NOS1: variants seen among roughly 807,000 people sequenced by gnomAD.
The protein encoded by NOS1 is nitric oxide synthase 1.
A neutral mutation model predicts 164.5 loss-of-function variants in NOS1; 51 were observed. The observed-to-expected ratio is 0.31, with a 90% CI of 0.25 to 0.39. The LOEUF is 0.39. Ranked by LOEUF, NOS1 falls within the 10% of genes least tolerant of loss-of-function variation. The probability of loss-of-function intolerance (pLI) is 1.00; values close to 1 mark genes in which losing one functional copy is unlikely to be tolerated. For synonymous variants in NOS1, 719 were observed against 745.8 expected (o/e 0.96, Z 0.59); for missense variants, 1,362 against 1,885.6 (o/e 0.72, Z 5.14).
intron 3 of NOS1, among the ~76,000 whole-genome samples, chr12:117,310,531 C>T (rs1239976078): frequency 6.6e-6 from 1 of 152,114 alleles, no homozygotes; most frequent in Non-Finnish European, 1.5e-5. Context: ...GCATAAAACA[C>T]GGCTAAAAGA....
At chr12:117,290,532 G>C in intron 3 of NOS1, 106 bp from the exon 4 acceptor site, 1 of 1,351,646 alleles carries the variant, frequency 7.4e-7, no homozygotes, top group South Asian at 1.4e-5. Context: ...GATCTGCCTT[G>C]AGTGACCAAC....
Position 117,260,578 on chromosome 12 carries a change from G to C in NOS1, c.2254C>G (p.Gln752Glu). 2 of 1,614,006 alleles carry C rather than the reference G, an allele frequency of 1.2e-6. No homozygotes were observed. Among genetic ancestry groups the C allele is most frequent in the Non-Finnish European group, 1.7e-6 (2 of 1,179,930 alleles). The part of the protein sequence containing the change: ...AVKFSAKLMG[Q>E]AMAKRVKATI... ...GCTTTCACCCTCTTGGCCATAGCCTGCCCCATCAGCTTGGCCGAGAACTTG... is the reference window on the plus strand; with the variant it reads ...GCTTTCACCCTCTTGGCCATAGCCTCCCCCATCAGCTTGGCCGAGAACTTG... The change falls in exon 14 of 29, where the codon CAG becomes GAG. Residue 752 changes from glutamine (Q) to glutamate (E), a missense_variant. Physicochemically the swap from Gln to Glu is conservative, Grantham distance 29. This residue lies in a region of NOS1 where 737 missense variants were observed against 1,030.3 expected (regional missense o/e 0.72). Coordinates refer to ENST00000317775, the MANE Select transcript of NOS1 (RefSeq NM_000620.5).
intron 26 of NOS1, among the ~76,000 whole-genome samples, chr12:117,220,935 C>T (rs1956693348): frequency 6.6e-6 from 1 of 151,844 alleles, no homozygotes; most frequent in Non-Finnish European, 1.5e-5. Context: ...ATGGCTGTAG[C>T]GACTCTTAAG....
chr12:117,360,317 C>T (rs1877074860), intron 1 of NOS1, among the ~76,000 whole-genome samples: 1 of 152,124 alleles, frequency 6.6e-6, no homozygotes, highest in Admixed American at 6.5e-5. Context: ...AGAGCCCCTT[C>T]CGGGACCTCG....
intron 9 of NOS1, among the ~76,000 whole-genome samples, chr12:117,274,460 G>A (rs931417219): frequency 1.3e-5 from 2 of 151,974 alleles, no homozygotes; most frequent in African/African-American, 4.8e-5. Flanking sequence ...CCCACCAGTG[G>A]GCATTTATCC....
Position 117,280,180 on chromosome 12 carries a change from G to A in NOS1, c.1524+545C>T, listed in dbSNP as rs928665019. ...GGAGATGGTGGTAGTCACTTTCCTGGTGGCTTTTATGAATTGACTTGGGCT... is the reference window on the plus strand; with the variant it reads ...GGAGATGGTGGTAGTCACTTTCCTGATGGCTTTTATGAATTGACTTGGGCT... On this transcript the variant is annotated intron_variant, in intron 8 of 28. Transcript: ENST00000317775. 3.3e-5 allele frequency among the ~76,000 whole-genome samples: 5 copies of A among 152,334 alleles called. No homozygotes were observed. The South Asian group carries it at 8.3e-4, about 25-fold the overall frequency.
Position 117,256,284 on chromosome 12 carries a change from G to T in NOS1, c.2531+2113C>A, listed in dbSNP as rs9669709. Among the ~76,000 whole-genome samples the T allele has an allele frequency of 5.5e-4, 65 of 118,426 alleles. 1 individual carries two copies. Among genetic ancestry groups the T allele is most frequent in the South Asian group, 1.3e-3 (5 of 3,892 alleles). 77.7% of individuals were successfully genotyped at this position (118,426 alleles called of 152,430 possible). On this transcript the variant is annotated intron_variant, in intron 16 of 28. Transcript: ENST00000317775. ...CAAAGAAAATCAGAAGGGATTTTCT[G>T]TTTTTTTTTTTTGAGACGGAGTCTC...
intron 3 of NOS1, among the ~76,000 whole-genome samples, chr12:117,303,536 G>T (rs949095211): frequency 6.6e-6 from 1 of 152,104 alleles, no homozygotes; most frequent in Non-Finnish European, 1.5e-5. Flanking sequence ...GGAGGGAGGG[G>T]CAAGGGCAAT....
Position 117,285,301 on chromosome 12 carries a change from T to C in NOS1, c.1322A>G (p.His441Arg), listed in dbSNP as rs772332789. 6.2e-7 allele frequency: 1 copy of C among 1,611,006 alleles called. No homozygotes were observed. The highest frequency in any genetic ancestry group is 8.5e-7 in the Non-Finnish European group (1 of 1,178,130). Residue 441 changes from histidine to arginine, a missense_variant, in exon 7 of 29, where the codon CAC becomes CGC. Physicochemically the swap from His to Arg is conservative, Grantham distance 29 (BLOSUM62 0). Coordinates refer to ENST00000317775, the MANE Select transcript of NOS1 (RefSeq NM_000620.5). The part of the protein sequence containing the change: ...VFDARDCTTA[H>R]GMFNYICNHV... The stretch of plus-strand genomic sequence containing the variant: ...GTTACAGATGTAGTTGAACATCCCG[T>C]GGGCCGTGGTGCAGTCACGGGCATC...
rs9658512 is a variant in NOS1 at position 117,224,527 on chromosome 12, C to T, written c.3826+489G>A. On this transcript the variant is annotated intron_variant, in intron 25 of 28. Transcript: ENST00000317775. Reference sequence around the variant, plus strand: ...GTCTCGATCTCCTGACCTCGTGATCCGCTGGCCTGGGTCTCCCAAAGTGCT... The same window carrying T: ...GTCTCGATCTCCTGACCTCGTGATCTGCTGGCCTGGGTCTCCCAAAGTGCT... Among the ~76,000 whole-genome samples the T allele has an allele frequency of 2.4e-3, 363 of 152,256 alleles. 11 individuals carry two copies. The East Asian group carries it at 0.058, about 24-fold the overall frequency.
At chr12:117,277,828 GA>G in intron 9 of NOS1, 130 bp downstream of exon 9, 1 of 1,144,292 alleles carries the variant, frequency 8.7e-7, no homozygotes, top group African/African-American at 1.6e-5. Context: ...GTGAGGACAG[GA>G]ACCAAGCCCC....
intron 7 of NOS1, among the ~76,000 whole-genome samples, chr12:117,282,723 T>C (rs1873777380): frequency 6.6e-6 from 1 of 152,212 alleles, no homozygotes; most frequent in Non-Finnish European, 1.5e-5. Flanking sequence ...ATCTTGGAGA[T>C]GAACACGGAG....
In NOS1 at chr12:117,232,044, G is replaced by A; in HGVS notation, c.3323C>T (p.Pro1108Leu). The A allele has an allele frequency of 6.2e-7, 1 of 1,612,574 alleles. No individual in the cohort carries two copies. The highest frequency in any genetic ancestry group is 8.5e-7 in the Non-Finnish European group (1 of 1,180,012). Residue 1108 changes from proline to leucine, a missense_variant, in exon 22 of 29, where the codon CCA becomes CTA. Pro to Leu is a moderately conservative substitution (Grantham distance 98). Coordinates refer to ENST00000317775, the MANE Select transcript of NOS1 (RefSeq NM_000620.5). ...AFKYYLDITT[P>L]PTPLQLQQFA... ...CTGCTGCAGCTGCAGAGGCGTTGGT[G>A]GCGTGGTGATGTCCAGGTAGTACTT...
rs149871340 is a variant in NOS1, at chr12:117,246,558, T to C, written c.2823+790A>G. Among the ~76,000 whole-genome samples, 739 of 152,266 alleles carry C rather than the reference T, an allele frequency of 4.9e-3. 8 individuals carry two copies. The highest frequency in any genetic ancestry group is 0.017 in the African/African-American group (706 of 41,554). ...CCACAAGGTTATGCAACCCTTCCCA[T>C]TACCTGCTTCCAGAACATTCTCATC... is the stretch of plus-strand genomic sequence containing the variant. On this transcript the variant is annotated intron_variant, in intron 18 of 28. Transcript: ENST00000317775.
At position 117,321,305 on chromosome 12, in the gene NOS1, C is replaced by T. The variant is rs182414981; in HGVS notation, c.725+9040G>A. Reference sequence around the variant, plus strand: ...GATTACAGGCGTGGGCCACCACACCCGGCCTATTTATTTTTGATTTCTCAT... The same window carrying T: ...GATTACAGGCGTGGGCCACCACACCTGGCCTATTTATTTTTGATTTCTCAT... On this transcript the variant is annotated intron_variant, in intron 2 of 28. Transcript: ENST00000317775. Among the ~76,000 whole-genome samples, 428 of 152,304 alleles carry T rather than the reference C, an allele frequency of 2.8e-3. 1 individual carries two copies. The highest frequency in any genetic ancestry group is 5.4e-3 in the Non-Finnish European group (364 of 68,026).
At chr12:117,255,861 G>T in intron 16 of NOS1, 1 of 863,274 alleles carries the variant, frequency 1.2e-6, no homozygotes, top group Non-Finnish European at 1.7e-6. Context: ...TAGATGTGTG[G>T]CCTGGGATGC....
chr12:117,342,183 C>A (rs937049149), intron 1 of NOS1, among the ~76,000 whole-genome samples: 1 of 152,084 alleles, frequency 6.6e-6, no homozygotes, highest in Non-Finnish European at 1.5e-5. Flanking sequence ...TTCATGCCAA[C>A]CATTCATTTG....
chr12:117,259,372 G>A (rs376577221), intron 14 of NOS1, among the ~76,000 whole-genome samples: 22 of 152,312 alleles, frequency 1.4e-4, no homozygotes, highest in African/African-American at 3.8e-4. Flanking sequence ...TATGGTCACT[G>A]TGGCCTGAAG....
chr12:117,324,735 A>ATAAATAAATAAATAAATAAATAAATAAG (rs1875160031), intron 2 of NOS1, among the ~76,000 whole-genome samples: 1 of 151,992 alleles, frequency 6.6e-6, no homozygotes, highest in African/African-American at 2.4e-5. Flanking sequence ...AAATAAATAA[A>ATAAATAAATAAATAAATAAATAAATAAG]TAAAGTGACT....
Sources: gnomAD v4.1 joint callset for allele counts (sites outside exome capture counted in the v4.1 genomes callset) on GRCh38, gnomAD v4.1.1 for gene constraint, gnomAD v4.1.1 regional missense constraint, MANE v1.5 for transcripts, NCBI Gene and HGNC (gene_info 2026-07-23, HGNC 2026-07-21) for gene names.